CAGE1: variants seen among roughly 807,000 people sequenced by gnomAD.
CAGE1 encodes cancer antigen 1.
In CAGE1, 66 loss-of-function variants were observed where a neutral mutation model predicts 94.9. That is an observed-to-expected ratio of 0.70 (90% CI 0.57 to 0.85). The LOEUF is 0.85. Ranked by LOEUF, CAGE1 falls within the 40% of genes least tolerant of loss-of-function variation. The pLI is 0.00. For synonymous variants in CAGE1, 319 were observed against 321.0 expected (o/e 0.99, Z 0.07); for missense variants, 865 against 950.4 (o/e 0.91, Z 1.18).
chr6:7,334,040 T>C lies in CAGE1; in HGVS notation c.2420A>G (p.Glu807Gly). ...AACTTACCTTGGTTTTCTGGCTTTT[T>C]CTCTGGGCTTTCTAATTAAATCCTC... ...HLEDLIRKPR[E>G]KARKPRSKSL... Residue 807 changes from glutamate (E) to glycine (G), a missense_variant, in exon 12 of 14, where the codon GAA becomes GGA. Transcript: ENST00000502583. 6.5e-7 allele frequency: 1 copy of C among 1,533,376 alleles called. No individual in the cohort carries two copies. Among genetic ancestry groups the C allele is most frequent in the Non-Finnish European group, 8.8e-7 (1 of 1,131,664 alleles). The allele number at this position is 1,533,376 out of a possible 1,614,324, so 95.0% of individuals were successfully genotyped here.
In CAGE1 at chr6:7,362,027, G is replaced by C. The variant is rs1760182400; in HGVS notation, c.2193+3441C>G. ...TCATTCAAGTGGACCACAAGATACT[G>C]GGCTTTGATTGTTTTCTTTTGGCTC... On this transcript the variant is annotated intron_variant, in intron 9 of 13. Transcript: ENST00000502583. This position sits in a 1 kb window ranked among gnomAD's most constrained non-coding sequence, Gnocchi z 4.1. Among the ~76,000 whole-genome samples the C allele has an allele frequency of 6.6e-6, 1 of 152,164 alleles. No homozygotes were observed. Among genetic ancestry groups the C allele is most frequent in the Non-Finnish European group, 1.5e-5 (1 of 68,020 alleles).
At chr6:7,333,947 C>T (rs971430292) in intron 12 of CAGE1, 75 bp downstream of exon 12, 29 of 933,660 alleles carry the variant, frequency 3.1e-5, no homozygotes, top group South Asian at 2.2e-4. Context: ...GGATTACAGG[C>T]GTGAGCCACC....
chr6:7,367,892 T>C (rs568451789), intron 7 of CAGE1, among the ~76,000 whole-genome samples: 11 of 152,246 alleles, frequency 7.2e-5, no homozygotes, highest in African/African-American at 2.6e-4. Flanking sequence ...CCTTCCTTAT[T>C]TAATTCTCTT....
At chr6:7,336,306 G>C (rs1459531894) in intron 11 of CAGE1, among the ~76,000 whole-genome samples, 1 of 152,154 alleles carries the variant, frequency 6.6e-6, no homozygotes, top group African/African-American at 2.4e-5. Flanking sequence ...GGAATATATT[G>C]ACACTGCACT....
Position 7,339,021 on chromosome 6 carries a change from C to T in CAGE1, c.2370-4931G>A, listed in dbSNP as rs1280443922. 46 of 1,606,974 alleles carry T rather than the reference C, an allele frequency of 2.9e-5. No homozygotes were observed. The highest frequency in any genetic ancestry group is 3.7e-5 in the Non-Finnish European group (44 of 1,176,538). On this transcript the variant is annotated intron_variant, in intron 11 of 13. Coordinates refer to ENST00000502583, the MANE Select transcript of CAGE1 (RefSeq NM_001170692.2). The surrounding 1 kb of genome is among the most constrained non-coding windows in gnomAD (Gnocchi z 4.7). ...GGGCAGCATGATCTTCACCTTGATG[C>T]CCAGCACACTCTGTCTGAGCAACAC...
Position 7,339,103 on chromosome 6 carries a change from G to C in CAGE1, c.2370-5013C>G. On this transcript the variant is annotated intron_variant, in intron 11 of 13. Coordinates refer to ENST00000502583, the MANE Select transcript of CAGE1 (RefSeq NM_001170692.2). This position sits in a 1 kb window ranked among gnomAD's most constrained non-coding sequence, Gnocchi z 4.7. ...ACAGGGTCTCTGCTGTGGATCATCAGGCCGTCCACAAACTTCATGGATTTA... is the reference window on the plus strand; with the variant it reads ...ACAGGGTCTCTGCTGTGGATCATCACGCCGTCCACAAACTTCATGGATTTA... The C allele has an allele frequency of 6.3e-7, 1 of 1,590,028 alleles. No homozygotes were observed. The highest frequency in any genetic ancestry group is 8.6e-7 in the Non-Finnish European group (1 of 1,159,018).
chr6:7,338,662 C>T (rs1759052987), intron 11 of CAGE1, among the ~76,000 whole-genome samples: 4 of 152,072 alleles, frequency 2.6e-5, no homozygotes, highest in Admixed American at 2.6e-4. Context: ...CCATTTTTAG[C>T]AGTATACACT....
intron 11 of CAGE1, among the ~76,000 whole-genome samples, chr6:7,352,311 A>C (rs1561855972): frequency 2.7e-5 from 3 of 110,730 alleles, no homozygotes; most frequent in South Asian, 2.4e-4. Flanking sequence ...AAAAACAAAA[A>C]AAAACAAAAA....
chr6:7,330,087 A>C (rs1373150134), intron 12 of CAGE1, among the ~76,000 whole-genome samples, 199 bp from the exon 13 acceptor site: 1 of 152,152 alleles, frequency 6.6e-6, no homozygotes, highest in Non-Finnish European at 1.5e-5. Flanking sequence ...TTCTCAGTGC[A>C]TTTAAATAAA....
At chr6:7,347,102 T>C (rs1175335840) in intron 11 of CAGE1, among the ~76,000 whole-genome samples, 1 of 152,114 alleles carries the variant, frequency 6.6e-6, no homozygotes, top group Non-Finnish European at 1.5e-5. Context: ...CAGGACTAGA[T>C]TGCAGTTCTG....
intron 12 of CAGE1, among the ~76,000 whole-genome samples, chr6:7,332,710 C>T (rs1391792694): frequency 6.6e-6 from 1 of 152,206 alleles, no homozygotes. Flanking sequence ...GAGACAGGAA[C>T]TCATGACACG....
At chr6:7,349,861 G>T (rs985430952) in intron 11 of CAGE1, among the ~76,000 whole-genome samples, 2 of 151,156 alleles carry the variant, frequency 1.3e-5, no homozygotes, top group Non-Finnish European at 2.9e-5. Context: ...GAGCCCAGGG[G>T]CCAAGGTTGC....
In CAGE1 at chr6:7,374,084, C is replaced by T; in HGVS notation, c.735G>A (p.Glu245=). The T allele has an allele frequency of 6.2e-7, 1 of 1,613,908 alleles. No individual in the cohort carries two copies. The highest frequency in any genetic ancestry group is 8.5e-7 in the Non-Finnish European group (1 of 1,179,866). ...KEIQNYGEIP[E]MSVSYEKEVT... ...CTTCCTTTTCATAACTGACTGACATCTCAGGAATCTCCCCATAATTCTGTA... is the reference window on the plus strand; with the variant it reads ...CTTCCTTTTCATAACTGACTGACATTTCAGGAATCTCCCCATAATTCTGTA... Residue 245 remains glutamate, a synonymous_variant, in exon 5 of 14, where the codon GAG becomes GAA. Coordinates refer to ENST00000502583, the MANE Select transcript of CAGE1 (RefSeq NM_001170692.2).
intron 3 of CAGE1, among the ~76,000 whole-genome samples, chr6:7,380,311 T>G (rs912698698): frequency 2.0e-5 from 3 of 152,164 alleles, no homozygotes; most frequent in Non-Finnish European, 4.4e-5. Flanking sequence ...TGCTTTTATA[T>G]TTTACATAAA....
At chr6:7,333,288 C>T (rs62387872) in intron 12 of CAGE1, among the ~76,000 whole-genome samples, 4,972 of 152,156 alleles carry the variant, frequency 0.033, 150 homozygotes, top group African/African-American at 0.076. Context: ...ACAGGGTTTG[C>T]GCATACATCT....
chr6:7,343,536 G>A (rs1759276832), intron 11 of CAGE1, among the ~76,000 whole-genome samples: 1 of 152,198 alleles, frequency 6.6e-6, no homozygotes, highest in Admixed American at 6.5e-5. Flanking sequence ...GGGGCTTCAT[G>A]TGGGTAGAAA....
chr6:7,327,625 G>A (rs544691970), intron 13 of CAGE1, among the ~76,000 whole-genome samples: 2 of 152,240 alleles, frequency 1.3e-5, no homozygotes, highest in Admixed American at 6.5e-5. Context: ...TAGCAGCATG[G>A]CATAGTTAAA....
Position 7,378,507 on chromosome 6 carries a change from A to G in CAGE1, c.687+110T>C, listed in dbSNP as rs943346983. 3.5e-6 allele frequency: 3 copies of G among 867,992 alleles called. No homozygotes were observed. In the African/African-American group the frequency reaches 5.1e-5, roughly 15 times the overall value. 53.8% of individuals were successfully genotyped at this position (867,992 alleles called of 1,614,324 possible). A position where few individuals can be genotyped will look rare whatever the true frequency, so the allele number is the denominator to read the frequency against. ...CATCCTTTAATACTCCACAGGCTTTACTGACCATCACAATCGTACCTCCTC... is the reference window on the plus strand; with the variant it reads ...CATCCTTTAATACTCCACAGGCTTTGCTGACCATCACAATCGTACCTCCTC... On this transcript the variant is annotated intron_variant, in intron 4 of 13. Coordinates refer to ENST00000502583, the MANE Select transcript of CAGE1 (RefSeq NM_001170692.2).
At chr6:7,340,333 C>T (rs193030484) in intron 11 of CAGE1, among the ~76,000 whole-genome samples, 3 of 152,164 alleles carry the variant, frequency 2.0e-5, no homozygotes, top group Admixed American at 1.3e-4. Context: ...GTCAGATGTA[C>T]GGAGTGTGAA....
Sources: allele counts gnomAD v4.1 joint callset (sites outside exome capture counted in the v4.1 genomes callset), GRCh38; gene constraint gnomAD v4.1.1; non-coding constraint Gnocchi (gnomAD v3.1); transcripts MANE v1.5; gene names NCBI Gene and HGNC (gene_info 2026-07-23, HGNC 2026-07-21).